The following GSDME variants were observed in gnomAD, a reference collection of about 807,000 sequenced individuals.
The protein encoded by GSDME is gasdermin E.
GSDME carries 44 observed loss-of-function variants against 47.5 expected under a neutral mutation model. That is an observed-to-expected ratio of 0.93 (90% CI 0.73 to 1.19). GSDME has a LOEUF of 1.19. Ranked by LOEUF, GSDME falls within the 50% of genes most tolerant of loss-of-function variation. The probability of loss-of-function intolerance (pLI) is 0.00; values close to 1 mark genes in which losing one functional copy is unlikely to be tolerated. For synonymous variants in GSDME, 258 were observed against 252.8 expected, an observed-to-expected ratio of 1.02 and a Z score of -0.20; for missense variants, 663 against 604.2, an observed-to-expected ratio of 1.10 and a Z score of -1.02.
chr7:24,731,108 A>T (rs1006888651), intron 3 of GSDME, among the ~76,000 whole-genome samples: 3 of 152,240 alleles, frequency 2.0e-5, no homozygotes, highest in Non-Finnish European at 2.9e-5. Flanking sequence ...CATCTTTTAA[A>T]AAGAGTGGAT....
At chr7:24,706,469 C>T (rs1284603048) in intron 7 of GSDME, 93 bp from the exon 8 acceptor site, 3 of 1,265,048 alleles carry the variant, frequency 2.4e-6, no homozygotes, top group South Asian at 1.3e-5. Flanking sequence ...AGCCCCAGCC[C>T]TTCCCACTCC....
intron 1 of GSDME, among the ~76,000 whole-genome samples, 184 bp from the exon 2 acceptor site, chr7:24,749,977 A>G (rs1205750396): frequency 6.6e-6 from 1 of 152,200 alleles, no homozygotes; most frequent in Non-Finnish European, 1.5e-5. Flanking sequence ...TTGAAAGAAC[A>G]TATATATACC....
intron 9 of GSDME, among the ~76,000 whole-genome samples, chr7:24,701,233 G>C (rs1346794764): frequency 1.3e-5 from 2 of 152,228 alleles, no homozygotes; most frequent in Non-Finnish European, 2.9e-5. Flanking sequence ...GCAAATCTGA[G>C]GGGAGGTATG....
At chr7:24,764,515 A>T in the GSDME span, among the ~76,000 whole-genome samples, 3 of 152,208 alleles carry the variant, frequency 2.0e-5, no homozygotes, top group African/African-American at 7.2e-5. The surrounding 1 kb of genome is among the most constrained non-coding windows in gnomAD (Gnocchi z 4.4). Flanking sequence ...GGACTTCAGA[A>T]ATCAAGTCAG....
chr7:24,718,537 A>C (rs1789653915), intron 4 of GSDME, among the ~76,000 whole-genome samples: 1 of 152,170 alleles, frequency 6.6e-6, no homozygotes, highest in Non-Finnish European at 1.5e-5. Flanking sequence ...GGCTCTAGGG[A>C]TTCTTTTGCA....
the GSDME span, among the ~76,000 whole-genome samples, chr7:24,777,699 T>C: frequency 6.6e-6 from 1 of 152,120 alleles, no homozygotes; most frequent in Non-Finnish European, 1.5e-5. Flanking sequence ...TAAATCCTAA[T>C]GTCCTGTAGT....
intron 5 of GSDME, 152 bp downstream of exon 5, chr7:24,717,101 AC>A (rs1421020005): frequency 4.8e-6 from 4 of 832,222 alleles, no homozygotes; most frequent in Non-Finnish European, 7.7e-6. Flanking sequence ...GTGTCCAGGG[AC>A]CATGTCTTGG....
chr7:24,734,927 T>C (rs911566596), intron 3 of GSDME, among the ~76,000 whole-genome samples: 2 of 152,090 alleles, frequency 1.3e-5, no homozygotes, highest in African/African-American at 4.8e-5. Context: ...GAACAAGATA[T>C]CAATACCTAA....
In GSDME at chr7:24,728,717, C is replaced by A. The variant is rs1457169070; in HGVS notation, c.405-9499G>T. Among the ~76,000 whole-genome samples, 4 of 152,220 alleles carry A rather than the reference C, an allele frequency of 2.6e-5. No homozygotes were observed. The highest frequency in any genetic ancestry group is 4.4e-5 in the Non-Finnish European group (3 of 68,038). ...AAGCAGCCGCCCACTGTCTCCCCCG[C>A]AGGTACTAGCAGTCCCCATTTCAAC... On this transcript the variant is annotated intron_variant, in intron 3 of 9. Coordinates refer to ENST00000645220, the MANE Select transcript of GSDME (RefSeq NM_001127453.2). The surrounding 1 kb of genome is among the most constrained non-coding windows in gnomAD (Gnocchi z 7.2).
Position 24,724,976 on chromosome 7 carries a change from T to C in GSDME, c.405-5758A>G, listed in dbSNP as rs1789919037. ...CTCTTTCTTGCTCCTGTTCTTGCCA[T>C]GTGACATGTTTGCTCCTCTTTCACC... On this transcript the variant is annotated intron_variant, in intron 3 of 9. Coordinates refer to ENST00000645220, the MANE Select transcript of GSDME (RefSeq NM_001127453.2). The surrounding 1 kb of genome is among the most constrained non-coding windows in gnomAD (Gnocchi z 4.8). 6.6e-6 allele frequency among the ~76,000 whole-genome samples: 1 copy of C among 152,212 alleles called. No homozygotes were observed.
chr7:24,740,514 T>C (rs1440184972), intron 3 of GSDME, among the ~76,000 whole-genome samples: 3 of 152,118 alleles, frequency 2.0e-5, no homozygotes, highest in African/African-American at 7.2e-5. Context: ...AAGGGATAAA[T>C]GCCTGAGGTG....
At position 24,742,295 on chromosome 7, in the gene GSDME, A is replaced by G. The variant is rs1213567514; in HGVS notation, c.404+2267T>C. ...TTGGAGCCAGAAAATCCTGAGTTGA[A>G]TCCCAGCACCAGCATCCAAATTGAG... On this transcript the variant is annotated intron_variant, in intron 3 of 9. Transcript: ENST00000645220. This position sits in a 1 kb window ranked among gnomAD's most constrained non-coding sequence, Gnocchi z 4.4. Among the ~76,000 whole-genome samples, 1 of 152,222 alleles carries G rather than the reference A, an allele frequency of 6.6e-6. No homozygotes were observed. The highest frequency in any genetic ancestry group is 1.5e-5 in the Non-Finnish European group (1 of 68,040).
At chr7:24,727,528 G>C (rs967519184) in intron 3 of GSDME, among the ~76,000 whole-genome samples, 8 of 152,212 alleles carry the variant, frequency 5.3e-5, no homozygotes, top group African/African-American at 1.4e-4. Flanking sequence ...AGTAAATCCA[G>C]AACTTCTCCC....
intron 6 of GSDME, among the ~76,000 whole-genome samples, chr7:24,709,760 C>T (rs1025357185): frequency 1.3e-5 from 2 of 152,214 alleles, no homozygotes; most frequent in African/African-American, 4.8e-5. Context: ...CCATGCAGTC[C>T]ATGCCATGTG....
At position 24,733,513 on chromosome 7, in the gene GSDME, A is replaced by C. The variant is rs1262369013; in HGVS notation, c.404+11049T>G. Among the ~76,000 whole-genome samples, 1 of 152,066 alleles carries C rather than the reference A, an allele frequency of 6.6e-6. No individual in the cohort carries two copies. Among genetic ancestry groups the C allele is most frequent in the Non-Finnish European group, 1.5e-5 (1 of 68,014 alleles). On this transcript the variant is annotated intron_variant, in intron 3 of 9. Transcript: ENST00000645220. The surrounding 1 kb of genome is among the most constrained non-coding windows in gnomAD (Gnocchi z 4.3). ...TTCCAGGTTGTGGCTCTTGGATGGC[A>C]TTTCTGGACCTACCCAGGCCCACAG...
In GSDME at chr7:24,724,964, C is replaced by A. The variant is rs1789918502; in HGVS notation, c.405-5746G>T. The stretch of plus-strand genomic sequence containing the variant: ...TCTCTCTTGTTCCTCTTTCTTGCTC[C>A]TGTTCTTGCCATGTGACATGTTTGC... On this transcript the variant is annotated intron_variant, in intron 3 of 9. Coordinates refer to ENST00000645220, the MANE Select transcript of GSDME (RefSeq NM_001127453.2). The surrounding 1 kb of genome is among the most constrained non-coding windows in gnomAD (Gnocchi z 4.8). 6.6e-6 allele frequency among the ~76,000 whole-genome samples: 1 copy of A among 152,150 alleles called. No individual in the cohort carries two copies. Among genetic ancestry groups the A allele is most frequent in the Non-Finnish European group, 1.5e-5 (1 of 68,028 alleles).
chr7:24,738,436 GA>G (rs1242974990), intron 3 of GSDME, among the ~76,000 whole-genome samples: 1 of 151,992 alleles, frequency 6.6e-6, no homozygotes, highest in African/African-American at 2.4e-5. Context: ...TTTCTACAAT[GA>G]AAACTATAAA....
Position 24,735,801 on chromosome 7 carries a change from A to G in GSDME, c.404+8761T>C, listed in dbSNP as rs1790287615. On this transcript the variant is annotated intron_variant, in intron 3 of 9. Transcript: ENST00000645220. The surrounding 1 kb of genome is among the most constrained non-coding windows in gnomAD (Gnocchi z 4.4). Reference sequence around the variant, plus strand: ...TAAATAAATAAATAAATAAATAAATAAATAAAACTACAAAAACTTTTCAAG... The same window carrying G: ...TAAATAAATAAATAAATAAATAAATGAATAAAACTACAAAAACTTTTCAAG... Among the ~76,000 whole-genome samples the G allele has an allele frequency of 6.8e-6, 1 of 146,204 alleles. No individual in the cohort carries two copies. Among genetic ancestry groups the G allele is most frequent in the South Asian group, 2.1e-4 (1 of 4,698 alleles).
At chr7:24,699,384 C>T in intron 9 of GSDME, 125 bp from the exon 10 acceptor site, 1 of 730,498 alleles carries the variant, frequency 1.4e-6, no homozygotes, top group South Asian at 1.5e-5. Context: ...GCTCTGTCGT[C>T]CAGGCTGGAG....
Sources: allele counts gnomAD v4.1 joint callset (sites outside exome capture counted in the v4.1 genomes callset), GRCh38; gene constraint gnomAD v4.1.1; non-coding constraint Gnocchi (gnomAD v3.1); transcripts MANE v1.5; gene names NCBI Gene and HGNC (gene_info 2026-07-23, HGNC 2026-07-21).